Variants in PSTPIP1 observed in about 807,000 individuals in gnomAD.
PSTPIP1 encodes proline-serine-threonine phosphatase interacting protein 1.
Under a neutral mutation model 69.6 loss-of-function variants are expected in PSTPIP1, and 66 were observed. That is an observed-to-expected ratio of 0.95 (90% confidence interval 0.78 to 1.16). PSTPIP1 has a LOEUF of 1.16. PSTPIP1 is among the 50% of genes most tolerant of loss of function. The pLI is 0.00. For missense variants in PSTPIP1, 603 were observed against 557.4 expected (o/e 1.08, Z -0.82); for synonymous variants, 266 against 222.7 (o/e 1.19, Z -1.73).
Position 77,037,336 on chromosome 15 carries a change from G to A in PSTPIP1, c.*160G>A, listed in dbSNP as rs929529196. 3.3e-6 allele frequency: 3 copies of A among 910,796 alleles called. No individual in the cohort carries two copies. The highest frequency in any genetic ancestry group is 2.9e-5 in the East Asian group (1 of 34,644). 56.4% of individuals were successfully genotyped at this position (910,796 alleles called of 1,614,324 possible). Reference sequence around the variant, plus strand: ...TAAAGGAGTGCGTTCTGTTCTCCTTGGTGTGCTGGGGTCCCGTTCTCTTTT... The same window carrying A: ...TAAAGGAGTGCGTTCTGTTCTCCTTAGTGTGCTGGGGTCCCGTTCTCTTTT... On this transcript the variant is annotated 3_prime_UTR_variant, in exon 15 of 15. Transcript: ENST00000558012.
chr15:77,003,659 A>T (rs1283743272), intron 1 of PSTPIP1, among the ~76,000 whole-genome samples: 1 of 151,918 alleles, frequency 6.6e-6, no homozygotes, highest in Non-Finnish European at 1.5e-5. Context: ...CCGTCTCAAA[A>T]AAAAAAAAAG....
intron 2 of PSTPIP1, 74 bp from the exon 3 acceptor site, chr15:77,018,383 T>C: frequency 6.5e-7 from 1 of 1,542,880 alleles, no homozygotes; most frequent in Non-Finnish European, 8.8e-7. Context: ...AACTCTTCTG[T>C]GTTCCCTCAA....
At chr15:77,028,167 G>C (rs1174510725) in intron 6 of PSTPIP1, among the ~76,000 whole-genome samples, 1 of 151,802 alleles carries the variant, frequency 6.6e-6, no homozygotes, top group East Asian at 1.9e-4. Flanking sequence ...GTCAGCTGGG[G>C]ACTCCAGGGG....
chr15:77,025,374 G>A (rs2076255652), intron 4 of PSTPIP1, 56 bp downstream of exon 4: 1 of 1,582,168 alleles, frequency 6.3e-7, no homozygotes, highest in Admixed American at 1.7e-5. Flanking sequence ...GCTGGTGGAG[G>A]GTTTGGGGGG....
At chr15:76,997,591 G>A (rs939064547) in intron 1 of PSTPIP1, among the ~76,000 whole-genome samples, 4 of 152,150 alleles carry the variant, frequency 2.6e-5, no homozygotes, top group Non-Finnish European at 4.4e-5. Context: ...AGAGACTTGC[G>A]CAAGGTCACA....
intron 7 of PSTPIP1, among the ~76,000 whole-genome samples, chr15:77,028,921 T>G (rs567368032): frequency 6.6e-6 from 1 of 151,818 alleles, no homozygotes; most frequent in East Asian, 1.9e-4. Flanking sequence ...GCCCACAGGG[T>G]GATGAGAGCA....
At chr15:76,997,205 C>T (rs2075599701) in intron 1 of PSTPIP1, among the ~76,000 whole-genome samples, 1 of 152,244 alleles carries the variant, frequency 6.6e-6, no homozygotes, top group African/African-American at 2.4e-5. Context: ...CTCGTCGCAC[C>T]TCTGGGCTTC....
chr15:77,036,622 C>T (rs759934388), intron 14 of PSTPIP1, among the ~76,000 whole-genome samples: 1 of 152,098 alleles, frequency 6.6e-6, no homozygotes, highest in Non-Finnish European at 1.5e-5. Context: ...GAGGCCAGGG[C>T]TCGGGGAGGC....
intron 1 of PSTPIP1, 29 bp from the exon 2 acceptor site, chr15:77,018,119 C>T: frequency 1.3e-6 from 2 of 1,556,096 alleles, no homozygotes; most frequent in Non-Finnish European, 1.7e-6. Context: ...GGTCGTGGCC[C>T]TCATGTGTCC....
At chr15:77,015,965 G>A (rs540749497) in intron 1 of PSTPIP1, 2 of 456,258 alleles carry the variant, frequency 4.4e-6, no homozygotes, top group Admixed American at 2.3e-5. Context: ...AGGGCCTCTC[G>A]CTGCTTTCTG....
rs545780966 is a variant in PSTPIP1 at position 77,036,441 on chromosome 15, T to C, written c.1119+506T>C. Reference sequence around the variant, plus strand: ...AGTCTTGCTATCGTGCCAGGATTGATTTTCTGATGTCCATAGGGTGAGGAT... The same window carrying C: ...AGTCTTGCTATCGTGCCAGGATTGACTTTCTGATGTCCATAGGGTGAGGAT... On this transcript the variant is annotated intron_variant, in intron 14 of 14. Coordinates refer to ENST00000558012, the MANE Select transcript of PSTPIP1 (RefSeq NM_003978.5). Among the ~76,000 whole-genome samples the C allele has an allele frequency of 2.0e-3, 309 of 152,168 alleles. 5 individuals are homozygous for C. Among genetic ancestry groups the C allele is most frequent in the Non-Finnish European group, 2.0e-3 (138 of 68,002 alleles).
At chr15:76,998,022 G>C (rs762659028) in intron 1 of PSTPIP1, among the ~76,000 whole-genome samples, 35 of 152,254 alleles carry the variant, frequency 2.3e-4, no homozygotes, top group Non-Finnish European at 4.8e-4. Flanking sequence ...TGGATCACTT[G>C]AGGTCAGGAG....
intron 1 of PSTPIP1, among the ~76,000 whole-genome samples, chr15:77,017,281 G>A (rs1430590292): frequency 6.6e-6 from 1 of 152,168 alleles, no homozygotes; most frequent in Non-Finnish European, 1.5e-5. Flanking sequence ...CTCACACCCA[G>A]CTTCCCACAC....
intron 1 of PSTPIP1, among the ~76,000 whole-genome samples, chr15:77,010,123 TCCTCACTTGC>T (rs1489470127): frequency 6.6e-6 from 1 of 152,110 alleles, no homozygotes; most frequent in Non-Finnish European, 1.5e-5. Context: ...CGGCCTCCCT[TCCTCACTTGC>T]CCTCACTGTC....
At chr15:77,009,066 T>C (rs2075879548) in intron 1 of PSTPIP1, among the ~76,000 whole-genome samples, 1 of 152,158 alleles carries the variant, frequency 6.6e-6, no homozygotes, top group African/African-American at 2.4e-5. Context: ...TTTGTAAATA[T>C]TGTAGTAGTA....
At chr15:77,014,277 T>G (rs138933292) in intron 1 of PSTPIP1, among the ~76,000 whole-genome samples, 56 of 152,218 alleles carry the variant, frequency 3.7e-4, no homozygotes, top group South Asian at 3.3e-3. Context: ...TGATCTTGAG[T>G]CCACTGTTCT....
intron 3 of PSTPIP1, among the ~76,000 whole-genome samples, chr15:77,020,276 G>A (rs2076134700): frequency 6.6e-6 from 1 of 152,192 alleles, no homozygotes; most frequent in Admixed American, 6.5e-5. Context: ...GTGGGGCAGG[G>A]TCTGCCCTGA....
At chr15:77,012,057 T>G (rs1254993374) in intron 1 of PSTPIP1, among the ~76,000 whole-genome samples, 1 of 151,806 alleles carries the variant, frequency 6.6e-6, no homozygotes, top group Non-Finnish European at 1.5e-5. Flanking sequence ...TCCCTCCCTA[T>G]CACCTCCTCC....
chr15:76,997,338 C>T (rs2075602421), intron 1 of PSTPIP1, among the ~76,000 whole-genome samples: 1 of 152,230 alleles, frequency 6.6e-6, no homozygotes, highest in South Asian at 2.1e-4. Context: ...ACCTCTCACA[C>T]TGAGTCTGGG....
Sources: gnomAD v4.1 joint callset for allele counts (sites outside exome capture counted in the v4.1 genomes callset) on GRCh38, gnomAD v4.1.1 for gene constraint, MANE v1.5 for transcripts, NCBI Gene and HGNC (gene_info 2026-07-23, HGNC 2026-07-21) for gene names.